Variants in DLG2 observed in about 807,000 individuals in gnomAD.
DLG2 encodes the protein disks large homolog 2.
In DLG2, 45 loss-of-function variants were observed where a neutral mutation model predicts 132.5. The ratio of observed to expected loss-of-function variants is 0.34; its 90% CI spans 0.27 to 0.44. The LOEUF is 0.44. DLG2 is among the 20% of genes least tolerant of loss of function. The pLI, the probability that DLG2 is intolerant of heterozygous loss-of-function variation, is 1.00. For synonymous variants in DLG2, 424 were observed against 419.6 expected (o/e 1.01, Z -0.13); for missense variants, 1,045 against 1,196.9 (o/e 0.87, Z 1.87).
intron 6 of DLG2, among the ~76,000 whole-genome samples, chr11:84,817,987 C>G (rs10751115): frequency 6.6e-6 from 1 of 151,886 alleles, no homozygotes; most frequent in African/African-American, 2.4e-5. Context: ...TCCTAGTGCT[C>G]CCCTCAATCC....
At chr11:85,099,932 G>C (rs971624768) in intron 6 of DLG2, among the ~76,000 whole-genome samples, 2 of 151,958 alleles carry the variant, frequency 1.3e-5, no homozygotes, top group African/African-American at 4.8e-5. Context: ...GCTTCTAAAG[G>C]CTCCTTCATC....
chr11:85,406,923 G>A (rs2088806938), intron 3 of DLG2, among the ~76,000 whole-genome samples: 1 of 151,846 alleles, frequency 6.6e-6, no homozygotes, highest in African/African-American at 2.4e-5. Flanking sequence ...TTTTTAAAAG[G>A]AATGAGAGGA....
At chr11:85,004,890 G>T (rs1323198822) in intron 6 of DLG2, among the ~76,000 whole-genome samples, 1 of 152,212 alleles carries the variant, frequency 6.6e-6, no homozygotes, top group East Asian at 1.9e-4. Context: ...TCCATCTTGA[G>T]CTAATTTTTG....
At chr11:83,510,830 G>GTTTTTTTT (rs566973328) in intron 21 of DLG2, among the ~76,000 whole-genome samples, 2 of 88,784 alleles carry the variant, frequency 2.3e-5, no homozygotes, top group Non-Finnish European at 4.1e-5. Flanking sequence ...TGAACCATCC[G>GTTTTTTTT]TTTTTTTTTT....
intron 18 of DLG2, among the ~76,000 whole-genome samples, chr11:83,744,417 A>C (rs1038369481): frequency 4.6e-5 from 7 of 152,238 alleles, no homozygotes; most frequent in Admixed American, 4.6e-4. Context: ...ATACAAACCA[A>C]GTACTGCACT....
intron 15 of DLG2, among the ~76,000 whole-genome samples, chr11:83,893,744 C>T (rs1045515629): frequency 6.6e-6 from 1 of 152,166 alleles, no homozygotes; most frequent in African/African-American, 2.4e-5. Context: ...TTCTTTAATG[C>T]CATGATTCCA....
At chr11:85,039,224 C>T (rs1044028767) in intron 6 of DLG2, among the ~76,000 whole-genome samples, 3 of 122,066 alleles carry the variant, frequency 2.5e-5, no homozygotes, top group Admixed American at 8.2e-5. Context: ...ATTGGTCCTA[C>T]TCCCCCTCCA....
chr11:84,591,322 T>G (rs1475391519), intron 6 of DLG2, among the ~76,000 whole-genome samples: 1 of 151,588 alleles, frequency 6.6e-6, no homozygotes, highest in East Asian at 1.9e-4. Context: ...TTGTTTTTTT[T>G]TTTTTGTTTT....
At chr11:84,155,866 C>T (rs1408173177) in intron 9 of DLG2, among the ~76,000 whole-genome samples, 1 of 151,964 alleles carries the variant, frequency 6.6e-6, no homozygotes, top group South Asian at 2.1e-4. Context: ...GGAGTTTAAA[C>T]CTTATCCTAA....
At chr11:85,516,377 C>A (rs148377290) in intron 3 of DLG2, among the ~76,000 whole-genome samples, 23 of 152,038 alleles carry the variant, frequency 1.5e-4, no homozygotes, top group African/African-American at 4.8e-4. Flanking sequence ...TAACATTGCA[C>A]CTCAAGGACC....
At chr11:85,203,603 T>C (rs2081629735) in intron 4 of DLG2, among the ~76,000 whole-genome samples, 1 of 152,036 alleles carries the variant, frequency 6.6e-6, no homozygotes, top group Admixed American at 6.6e-5. Flanking sequence ...TGCTGACCTC[T>C]ACCAAACATT....
chr11:84,631,360 GATA>G (rs1257436646), intron 6 of DLG2, among the ~76,000 whole-genome samples: 1 of 152,040 alleles, frequency 6.6e-6, no homozygotes, highest in Non-Finnish European at 1.5e-5. Flanking sequence ...CTGGTCATAA[GATA>G]ATAAAATTTT....
intron 19 of DLG2, among the ~76,000 whole-genome samples, chr11:83,608,794 T>C (rs1390661056): frequency 1.3e-5 from 2 of 151,984 alleles, no homozygotes; most frequent in African/African-American, 4.8e-5. Context: ...GGTTCTAATA[T>C]AAAAGCTAAA....
intron 7 of DLG2, among the ~76,000 whole-genome samples, chr11:84,266,461 C>G (rs1446146011): frequency 6.6e-6 from 1 of 152,088 alleles, no homozygotes; most frequent in Non-Finnish European, 1.5e-5. Flanking sequence ...ATAGAAATTC[C>G]ATTAATAGCC....
At chr11:83,818,078 A>C (rs1232460489) in intron 17 of DLG2, among the ~76,000 whole-genome samples, 1 of 152,144 alleles carries the variant, frequency 6.6e-6, no homozygotes, top group Non-Finnish European at 1.5e-5. Flanking sequence ...CACTTTACAG[A>C]GGAGTGAGAA....
chr11:85,037,496 T>C (rs989356420), intron 6 of DLG2, among the ~76,000 whole-genome samples: 1 of 152,172 alleles, frequency 6.6e-6, no homozygotes, highest in Non-Finnish European at 1.5e-5. Flanking sequence ...AGAAAAGATA[T>C]ATAAATATGA....
At chr11:84,065,439 G>A (rs1472289400) in intron 10 of DLG2, among the ~76,000 whole-genome samples, 3 of 152,136 alleles carry the variant, frequency 2.0e-5, no homozygotes, top group Middle Eastern at 3.4e-3. Context: ...AGAAGACATA[G>A]ACATGGCCAG....
At chr11:84,660,373 T>C (rs963179788) in intron 6 of DLG2, among the ~76,000 whole-genome samples, 1 of 152,152 alleles carries the variant, frequency 6.6e-6, no homozygotes. Context: ...GATATTTCAC[T>C]GGGTACCCTG....
chr11:84,114,681 T>G (rs1566564107), intron 9 of DLG2, among the ~76,000 whole-genome samples: 1 of 152,180 alleles, frequency 6.6e-6, no homozygotes, highest in Non-Finnish European at 1.5e-5. Flanking sequence ...TCACGCCTAG[T>G]ATGACTTCAC....
Sources: gnomAD v4.1 joint callset for allele counts (sites outside exome capture counted in the v4.1 genomes callset) on GRCh38, gnomAD v4.1.1 for gene constraint, MANE v1.5 for transcripts, NCBI Gene and HGNC (gene_info 2026-07-23, HGNC 2026-07-21) for gene names.